Variants in CDH8 observed in about 807,000 individuals in gnomAD.
CDH8 encodes cadherin-8.
CDH8 carries 17 observed loss-of-function variants against 68.1 expected under a neutral mutation model. The observed-to-expected ratio is 0.25, with a 90% CI of 0.17 to 0.37. CDH8 has a LOEUF of 0.37. Among genes scored for constraint, CDH8 ranks in the 10% least tolerant of loss-of-function variants. The pLI, the probability that CDH8 is intolerant of heterozygous loss-of-function variation, is 1.00. For synonymous variants in CDH8, 372 were observed against 365.1 expected (o/e 1.02, Z -0.21); for missense variants, 763 against 999.3 (o/e 0.76, Z 3.19).
rs74573384 is a variant in CDH8, at chr16:61,900,373, G to A, written c.547+806C>T. ...ATATGTACTACACATTTTAAAAAAT[G>A]GCTTTTGTAATCTTATACTTTGAAC... On this transcript the variant is annotated intron_variant, in intron 3 of 11. Coordinates refer to ENST00000577390, the MANE Select transcript of CDH8 (RefSeq NM_001796.5). Among the ~76,000 whole-genome samples the A allele has an allele frequency of 1.3e-3, 199 of 152,144 alleles. 6 individuals carry two copies. The East Asian group carries it at 0.022, about 17-fold the overall frequency.
chr16:61,942,455 C>A (rs1475570653), intron 2 of CDH8, among the ~76,000 whole-genome samples: 1 of 152,182 alleles, frequency 6.6e-6, no homozygotes, highest in Non-Finnish European at 1.5e-5. Context: ...TGTAATCCTA[C>A]ATCTGCACTC....
Position 61,649,519 on chromosome 16 carries a change from G to C in CDH8, c.*4089C>G, listed in dbSNP as rs933997567. 4.6e-5 allele frequency: 7 copies of C among 151,730 alleles called. No individual in the cohort carries two copies. The highest frequency in any genetic ancestry group is 1.7e-4 in the African/African-American group (7 of 41,330). 9.4% of individuals were successfully genotyped at this position (151,730 alleles called of 1,614,324 possible). ...GTTGTGCATTTATAGAGCTTTTATA[G>C]TGATGCCCGCTGTTACCTTATCTTT... On this transcript the variant is annotated 3_prime_UTR_variant, in exon 12 of 12. Transcript: ENST00000577390.
intron 2 of CDH8, among the ~76,000 whole-genome samples, chr16:62,006,536 T>G (rs1337301864): frequency 6.6e-6 from 1 of 152,172 alleles, no homozygotes; most frequent in African/African-American, 2.4e-5. Flanking sequence ...TGAGAGTTCA[T>G]ATATCCTGGA....
chr16:61,884,946 T>C (rs1474703182), intron 3 of CDH8, among the ~76,000 whole-genome samples: 1 of 152,118 alleles, frequency 6.6e-6, no homozygotes, highest in Non-Finnish European at 1.5e-5. Flanking sequence ...ATAACACATA[T>C]ATTTTTAAAG....
At chr16:61,674,541 A>G (rs1425913215) in intron 10 of CDH8, among the ~76,000 whole-genome samples, 1 of 152,038 alleles carries the variant, frequency 6.6e-6, no homozygotes, top group Admixed American at 6.6e-5. Context: ...AATAAGAACT[A>G]TAGTGAAATC....
chr16:61,745,835 T>A (rs78732834), intron 8 of CDH8, among the ~76,000 whole-genome samples: 2 of 152,216 alleles, frequency 1.3e-5, no homozygotes, highest in South Asian at 4.1e-4. Flanking sequence ...TTTTCTATTG[T>A]CTTTTTTCTG....
At chr16:61,770,449 T>C (rs1030637340) in intron 8 of CDH8, among the ~76,000 whole-genome samples, 1 of 151,914 alleles carries the variant, frequency 6.6e-6, no homozygotes, top group African/African-American at 2.4e-5. Flanking sequence ...TGGGTATCTA[T>C]TTATACTGAG....
intron 7 of CDH8, among the ~76,000 whole-genome samples, chr16:61,810,457 T>A (rs1450101611): frequency 6.7e-6 from 1 of 150,126 alleles, no homozygotes; most frequent in South Asian, 2.1e-4. Context: ...ATCCAAATAA[T>A]TTCTTTATAG....
Position 61,648,143 on chromosome 16 carries a change from C to CA in CDH8, c.*5464dup, listed in dbSNP as rs1315389941. The CA allele has an allele frequency of 1.1e-5, 3 of 277,710 alleles. No homozygotes were observed. In the East Asian group the frequency reaches 2.2e-4, roughly 20 times the overall value. 17.2% of individuals were successfully genotyped at this position (277,710 alleles called of 1,614,324 possible). A position where few individuals can be genotyped will look rare whatever the true frequency, so the allele number is the denominator to read the frequency against. ...CTCAGGAGATGACCCCAAATACCAG[C>CA]ATGTAATTTCTGTTTCTCTCACATA... On this transcript the variant is annotated 3_prime_UTR_variant, in exon 12 of 12. Coordinates refer to ENST00000577390, the MANE Select transcript of CDH8 (RefSeq NM_001796.5).
chr16:61,686,520 ACT>A (rs1276282024), intron 10 of CDH8, among the ~76,000 whole-genome samples: 1 of 151,772 alleles, frequency 6.6e-6, no homozygotes, highest in Non-Finnish European at 1.5e-5. Flanking sequence ...ATTCCTGTGC[ACT>A]CTCTTTAATA....
At chr16:61,951,833 T>C (rs1050310676) in intron 2 of CDH8, among the ~76,000 whole-genome samples, 23 of 152,150 alleles carry the variant, frequency 1.5e-4, no homozygotes, top group African/African-American at 5.6e-4. Flanking sequence ...CATTAAACAA[T>C]AAAATACTGC....
chr16:61,748,814 C>G (rs1960088483), intron 8 of CDH8, among the ~76,000 whole-genome samples: 1 of 151,996 alleles, frequency 6.6e-6, no homozygotes, highest in African/African-American at 2.4e-5. Context: ...TGAAACAAGA[C>G]CTCCTTCTTT....
At chr16:61,724,197 G>A (rs1420044764) in intron 9 of CDH8, among the ~76,000 whole-genome samples, 2 of 150,610 alleles carry the variant, frequency 1.3e-5, no homozygotes, top group Admixed American at 1.3e-4. Flanking sequence ...ATCATGAGAA[G>A]GTGGAAAGAG....
intron 10 of CDH8, among the ~76,000 whole-genome samples, chr16:61,711,919 A>G (rs1477500673): frequency 6.6e-6 from 1 of 151,714 alleles, no homozygotes; most frequent in Non-Finnish European, 1.5e-5. Context: ...CACAGTCTAA[A>G]ACAAGCAATC....
chr16:61,752,373 C>T (rs1393202298), intron 8 of CDH8, among the ~76,000 whole-genome samples: 1 of 152,106 alleles, frequency 6.6e-6, no homozygotes, highest in African/African-American at 2.4e-5. Context: ...TAGACTTGCA[C>T]ATGATATGGA....
chr16:61,796,769 GCTTAGCAA>G (rs1431925669), intron 7 of CDH8, among the ~76,000 whole-genome samples: 8 of 152,050 alleles, frequency 5.3e-5, no homozygotes, highest in Admixed American at 2.0e-4. Flanking sequence ...ATTCCTAATG[GCTTAGCAA>G]CTTGTTCAAA....
chr16:61,847,538 T>A (rs920281804), intron 4 of CDH8, among the ~76,000 whole-genome samples: 1 of 136,750 alleles, frequency 7.3e-6, no homozygotes. Flanking sequence ...TCCAATCATT[T>A]TATATATATA....
intron 10 of CDH8, among the ~76,000 whole-genome samples, chr16:61,672,060 A>G (rs924896185): frequency 6.6e-6 from 1 of 152,138 alleles, no homozygotes; most frequent in African/African-American, 2.4e-5. Context: ...TTTTAAAATA[A>G]AAGGGATTTT....
chr16:61,666,067 C>T (rs1196618386), intron 10 of CDH8, among the ~76,000 whole-genome samples: 1 of 151,880 alleles, frequency 6.6e-6, no homozygotes, highest in Admixed American at 6.6e-5. Context: ...CTCAGTCCCA[C>T]CTGGGATGTA....
Sources: allele counts gnomAD v4.1 joint callset (sites outside exome capture counted in the v4.1 genomes callset), GRCh38; gene constraint gnomAD v4.1.1; transcripts MANE v1.5; gene names NCBI Gene and HGNC (gene_info 2026-07-23, HGNC 2026-07-21).